PRICKLE2: variants seen among roughly 807,000 people sequenced by gnomAD.
PRICKLE2 encodes prickle planar cell polarity protein 2, also known as prickle-like protein 2.
PRICKLE2 carries 21 observed loss-of-function variants against 81.4 expected under a neutral mutation model. The ratio of observed to expected loss-of-function variants is 0.26; its 90% CI spans 0.18 to 0.37. The LOEUF is 0.37. Ranked by LOEUF, PRICKLE2 falls within the 10% of genes least tolerant of loss-of-function variation. The pLI is 1.00. For synonymous variants in PRICKLE2, 456 were observed against 421.5 expected, an observed-to-expected ratio of 1.08 and a Z score of -1.00; for missense variants, 940 against 1,109.0, an observed-to-expected ratio of 0.85 and a Z score of 2.16.
upstream of PRICKLE2, among the ~76,000 whole-genome samples, chr3:64,226,566 T>C (rs1394062906): frequency 2.6e-5 from 4 of 152,248 alleles, no homozygotes; most frequent in African/African-American, 9.6e-5. Context: ...TATGGGCTAC[T>C]GCAATTAAAG....
chr3:64,223,091 C>A (rs1015217675), intron 1 of PRICKLE2, among the ~76,000 whole-genome samples: 4 of 152,196 alleles, frequency 2.6e-5, no homozygotes, highest in African/African-American at 9.6e-5. Flanking sequence ...GAGATGGCAT[C>A]TTTTCTGCTA....
chr3:64,203,813 C>CAAAA (rs68190740), intron 1 of PRICKLE2, among the ~76,000 whole-genome samples: 2 of 140,268 alleles, frequency 1.4e-5, no homozygotes, highest in Admixed American at 7.1e-5. Context: ...ACTAAAAATA[C>CAAAA]AAAAAAAAAA....
chr3:64,116,200 T>A (rs1243332489), intron 7 of PRICKLE2, among the ~76,000 whole-genome samples: 1 of 152,138 alleles, frequency 6.6e-6, no homozygotes, highest in Non-Finnish European at 1.5e-5. Context: ...TAAGGCAGTG[T>A]TAAGCAGGAA....
chr3:64,258,845 A>AAAAGAAAGAAAGAAAAG (rs2079570252), intron 2 of PRICKLE2, among the ~76,000 whole-genome samples: 1 of 34,000 alleles, frequency 2.9e-5, no homozygotes, highest in African/African-American at 1.3e-4. Context: ...AAAAAAAAAA[A>AAAAGAAAGAAAGAAAAG]AAAGAAAGAA....
intron 7 of PRICKLE2, chr3:64,141,882 G>GC (rs2077367686): frequency 2.0e-6 from 2 of 984,354 alleles, no homozygotes; most frequent in African/African-American, 3.5e-5. Flanking sequence ...TTGAAATCTA[G>GC]CTTTATCTGA....
intron 2 of PRICKLE2, among the ~76,000 whole-genome samples, chr3:64,193,031 T>C (rs905565240): frequency 5.9e-5 from 9 of 152,286 alleles, no homozygotes; most frequent in South Asian, 4.1e-4. Context: ...ATACCAGTTA[T>C]GATCTTCCTG....
At chr3:64,103,486 G>A (rs1368566376) in intron 7 of PRICKLE2, 1 of 152,214 alleles carries the variant, frequency 6.6e-6, no homozygotes, top group African/African-American at 2.4e-5. Context: ...ACAGGCTGAG[G>A]CTATCTATAG....
intron 7 of PRICKLE2, among the ~76,000 whole-genome samples, chr3:64,117,725 T>C (rs935957026): frequency 1.3e-5 from 2 of 152,166 alleles, no homozygotes; most frequent in Non-Finnish European, 2.9e-5. Flanking sequence ...TGAAAACACA[T>C]TCCATGCTCA....
chr3:64,138,730 C>T (rs1177122613), intron 7 of PRICKLE2, among the ~76,000 whole-genome samples: 1 of 152,128 alleles, frequency 6.6e-6, no homozygotes, highest in Non-Finnish European at 1.5e-5. Flanking sequence ...CAAGTATATC[C>T]CAGGGCCCTG....
rs976259756 is a variant in PRICKLE2, at chr3:64,215,597, T to C, written c.-41+9313A>G. On this transcript the variant is annotated intron_variant, in intron 1 of 7. Transcript: ENST00000638394. ...ATGACCAAAGCGTAAATTTTATTTT[T>C]CATATTTATTTTTTTACAATAACTG... is the stretch of plus-strand genomic sequence containing the variant. Among the ~76,000 whole-genome samples, 28 of 152,272 alleles carry C rather than the reference T, an allele frequency of 1.8e-4. 1 individual carries two copies. Among genetic ancestry groups the C allele is most frequent in the Admixed American group, 1.5e-3 (23 of 15,288 alleles).
chr3:64,210,561 C>T (rs2078769734), intron 1 of PRICKLE2, among the ~76,000 whole-genome samples: 1 of 152,156 alleles, frequency 6.6e-6, no homozygotes, highest in Admixed American at 6.5e-5. Flanking sequence ...GCCATCTGCA[C>T]CAAGAAGTGC....
chr3:64,236,398 C>T (rs997245426), intron 2 of PRICKLE2, among the ~76,000 whole-genome samples: 4 of 152,166 alleles, frequency 2.6e-5, no homozygotes, highest in Non-Finnish European at 5.9e-5. Flanking sequence ...TAAACTGCCA[C>T]AGCTGATGTT....
At chr3:64,196,221 C>T (rs945235017) in intron 2 of PRICKLE2, among the ~76,000 whole-genome samples, 6 of 152,096 alleles carry the variant, frequency 3.9e-5, no homozygotes, top group Admixed American at 6.6e-5. Context: ...CAGGGAATGA[C>T]GTTTAATGGT....
At chr3:64,112,072 C>G (rs965437962) in intron 7 of PRICKLE2, among the ~76,000 whole-genome samples, 2 of 152,306 alleles carry the variant, frequency 1.3e-5, no homozygotes, top group East Asian at 3.9e-4. Flanking sequence ...CATGGTTCCA[C>G]CTGGTGGCCA....
At chr3:64,202,645 CGTGTGT>C (rs71099794) in intron 1 of PRICKLE2, among the ~76,000 whole-genome samples, 30 of 149,430 alleles carry the variant, frequency 2.0e-4, no homozygotes, top group African/African-American at 6.1e-4. Context: ...TACTTGTGTG[CGTGTGT>C]GTGTGTGTGT....
In PRICKLE2 at chr3:64,128,222, GCTTT is replaced by G. The variant is rs1198160751; in HGVS notation, c.1660+18604_1660+18607del. Among the ~76,000 whole-genome samples, 17 of 152,154 alleles carry G rather than the reference GCTTT, an allele frequency of 1.1e-4. 1 individual carries two copies. The highest frequency in any genetic ancestry group is 3.1e-4 in the African/African-American group (13 of 41,434). On this transcript the variant is annotated intron_variant, in intron 7 of 7. Transcript: ENST00000638394. Reference sequence around the variant, plus strand: ...ATTCAGAGGGTGACAGGCACCCATCGCTTTCTCCACACGTGGAACAACTGAATTA... The same window carrying G: ...ATTCAGAGGGTGACAGGCACCCATCGCTCCACACGTGGAACAACTGAATTA...
At chr3:64,166,925 C>G (rs17664549) in intron 2 of PRICKLE2, among the ~76,000 whole-genome samples, 29,879 of 152,104 alleles carry the variant, frequency 0.2, 3,214 homozygotes, top group Non-Finnish European at 0.23. Flanking sequence ...AAATTTTTCA[C>G]TGAGCAAAGG....
At chr3:64,121,061 G>A (rs2077016886) in intron 7 of PRICKLE2, among the ~76,000 whole-genome samples, 3 of 152,266 alleles carry the variant, frequency 2.0e-5, no homozygotes. Flanking sequence ...GCTTCCTGAG[G>A]CAACGTGGGT....
chr3:64,209,665 A>G (rs1424846441), intron 1 of PRICKLE2, among the ~76,000 whole-genome samples: 2 of 152,216 alleles, frequency 1.3e-5, no homozygotes, highest in Non-Finnish European at 2.9e-5. Context: ...CTGAGCAGCT[A>G]CTGTGTGTTA....
Sources: allele counts gnomAD v4.1 joint callset (sites outside exome capture counted in the v4.1 genomes callset), GRCh38; gene constraint gnomAD v4.1.1; transcripts MANE v1.5; gene names NCBI Gene and HGNC (gene_info 2026-07-23, HGNC 2026-07-21).